Variants in FANCE observed in about 807,000 individuals in gnomAD.
FANCE encodes the protein Fanconi anemia group E protein.
Under a neutral mutation model 57.8 loss-of-function variants are expected in FANCE, and 42 were observed. The observed-to-expected ratio is 0.73, with a 90% CI of 0.57 to 0.94. The LOEUF is 0.94. FANCE is among the 40% of genes least tolerant of loss of function. The pLI is 0.00. For synonymous variants in FANCE, 251 were observed against 286.4 expected (o/e 0.88, Z 1.25); for missense variants, 608 against 661.8 (o/e 0.92, Z 0.89).
At chr6:35,461,374 CCTTA>C (rs1767581803) in intron 8 of FANCE, among the ~76,000 whole-genome samples, 1 of 152,140 alleles carries the variant, frequency 6.6e-6, no homozygotes, top group African/African-American at 2.4e-5. Flanking sequence ...AAAATATTCC[CCTTA>C]CTTCTCTTCC....
chr6:35,456,401 G>A lies in FANCE; in HGVS notation c.855+48G>A. On this transcript the variant is annotated intron_variant, in intron 2 of 9. Transcript: ENST00000229769. The surrounding 1 kb of genome is among the most constrained non-coding windows in gnomAD (Gnocchi z 4.3). The stretch of plus-strand genomic sequence containing the variant: ...TTTAGAGTGATCTTTCAGCAGTGGT[G>A]GCTTTATCCATGGGGAAGGCTGCTT... 1 of 1,613,648 alleles carries A rather than the reference G, an allele frequency of 6.2e-7. No individual in the cohort carries two copies. The highest frequency in any genetic ancestry group is 8.5e-7 in the Non-Finnish European group (1 of 1,179,650).
rs1442055811 is a variant in FANCE at position 35,462,889 on chromosome 6, C to T, written c.1484C>T (p.Thr495Ile). 3 of 1,614,242 alleles carry T rather than the reference C, an allele frequency of 1.9e-6. No homozygotes were observed. In the Admixed American group the frequency reaches 5.0e-5, roughly 27 times the overall value. ...TSMAYAKLML[T>I]VMTKYQANIT... is the part of the protein sequence containing the mutation. ...ATGGCCTATGCCAAGCTCATGCTGA[C>T]AGTGATGACCAAGTATCAGGCTAAC... is the stretch of plus-strand genomic sequence containing the variant. The change falls in exon 9 of 10, where the codon ACA becomes ATA. Residue 495 changes from threonine to isoleucine, a missense_variant. Thr to Ile is a moderately conservative substitution (Grantham distance 89). Coordinates refer to ENST00000229769, the MANE Select transcript of FANCE (RefSeq NM_021922.3).
chr6:35,466,537 GCT>G lies in FANCE; in HGVS notation c.*193_*194del. ...TCCCAGCCAGCAGGGAGGCTCCTGG[GCT>G]AAGGGAGCTCAGCTATATTTTCTTT... is the stretch of plus-strand genomic sequence containing the variant. On this transcript the variant is annotated 3_prime_UTR_variant, in exon 10 of 10. Transcript: ENST00000229769. 1.6e-6 allele frequency: 1 copy of G among 611,246 alleles called. No homozygotes were observed. Among genetic ancestry groups the G allele is most frequent in the South Asian group, 1.8e-5 (1 of 54,234 alleles). The allele number at this position is 611,246 out of a possible 1,614,324, so 37.9% of individuals were successfully genotyped here.
Position 35,457,480 on chromosome 6 carries a change from T to C in FANCE, c.856-76T>C, listed in dbSNP as rs1581701587. The C allele has an allele frequency of 1.6e-5, 25 of 1,541,444 alleles. No homozygotes were observed. The South Asian group carries it at 1.9e-4, about 12-fold the overall frequency. On this transcript the variant is annotated intron_variant, in intron 2 of 9. Coordinates refer to ENST00000229769, the MANE Select transcript of FANCE (RefSeq NM_021922.3). The stretch of plus-strand genomic sequence containing the variant: ...TCCCACTGACCTGGGGCCTTTTCAG[T>C]AGGGGGAGCCAGAACCGGGCTTGGG...
intron 8 of FANCE, 136 bp from the exon 9 acceptor site, chr6:35,462,653 G>A (rs1030864433): frequency 7.0e-6 from 7 of 993,002 alleles, no homozygotes; most frequent in African/African-American, 1.6e-5. Context: ...TGGAAATGGA[G>A]GTTTAGGTTG....
At chr6:35,453,803 A>G (rs918534512) in intron 1 of FANCE, among the ~76,000 whole-genome samples, 3 of 152,256 alleles carry the variant, frequency 2.0e-5, no homozygotes, top group Non-Finnish European at 4.4e-5. Flanking sequence ...ATGTTTGCCC[A>G]GCTATCTGGC....
At chr6:35,464,301 C>CT (rs1335610739) in intron 9 of FANCE, among the ~76,000 whole-genome samples, 5 of 130,460 alleles carry the variant, frequency 3.8e-5, no homozygotes, top group Non-Finnish European at 6.3e-5. Context: ...TGCAGTGGCG[C>CT]ATCTCGGCTC....
At position 35,459,754 on chromosome 6, in the gene FANCE, T is replaced by C. The variant is rs142903218; in HGVS notation, c.1310T>C (p.Met437Thr). 1.5e-3 allele frequency: 2,455 copies of C among 1,614,060 alleles called. 6 individuals carry two copies. Among genetic ancestry groups the C allele is most frequent in the Non-Finnish European group, 1.2e-3 (1,374 of 1,179,908 alleles). ...ESLEPDAQVL[M>T]LGQILELPWK... ...CTGGAGCCAGATGCACAGGTTCTAA[T>C]GCTGGGGTGAGTGTGCAGGCCTCCG... is the stretch of plus-strand genomic sequence containing the variant. Residue 437 changes from methionine (M) to threonine (T), a missense_variant, in exon 7 of 10, where the codon ATG becomes ACG. Transcript: ENST00000229769.
Position 35,460,508 on chromosome 6 carries a change from G to C in FANCE, c.1317-44G>C, listed in dbSNP as rs761090312. ...GAGCAGCAGATAGATACTCAGGCTTGGGTGGGAGGCCAGGCATTTTTCACT... is the reference window on the plus strand; with the variant it reads ...GAGCAGCAGATAGATACTCAGGCTTCGGTGGGAGGCCAGGCATTTTTCACT... On this transcript the variant is annotated intron_variant, in intron 7 of 9. Coordinates refer to ENST00000229769, the MANE Select transcript of FANCE (RefSeq NM_021922.3). The C allele has an allele frequency of 2.5e-6, 4 of 1,574,888 alleles. No homozygotes were observed. In the Admixed American group the frequency reaches 5.0e-5, roughly 20 times the overall value.
rs1767163673 is a variant in FANCE, at chr6:35,452,792, CTG to C, written c.248+1_248+2del. 7.6e-7 allele frequency: 1 copy of C among 1,314,088 alleles called. No individual in the cohort carries two copies. Among genetic ancestry groups the C allele is most frequent in the African/African-American group, 1.5e-5 (1 of 65,900 alleles). 81.4% of individuals were successfully genotyped at this position (1,314,088 alleles called of 1,614,324 possible). ...GCAGGGGCCTGACGGCCGTCTGGAG[CTG>C]TAAGTCCTCGCCCGCGGCCCCTTAG... On this transcript the variant is annotated splice_donor_variant and coding_sequence_variant, in exon 1 of 10. Transcript: ENST00000229769. LOFTEE classifies it high-confidence loss of function.
Position 35,455,897 on chromosome 6 carries a change from C to T in FANCE, c.399C>T (p.Leu133=), listed in dbSNP as rs1056749845. Residue 133 remains leucine (L), a synonymous_variant, in exon 2 of 10, where the codon CTC becomes CTT. Coordinates refer to ENST00000229769, the MANE Select transcript of FANCE (RefSeq NM_021922.3). ...QDLAPDPDAW[L]RALGELLRRD... ...TAGCCCCTGACCCAGATGCCTGGCT[C>T]CGTGCCCTGGGGGAATTGCTGCGAA... The T allele has an allele frequency of 1.9e-6, 3 of 1,614,038 alleles. No individual in the cohort carries two copies. The African/African-American group carries it at 4.0e-5, about 22-fold the overall frequency.
At chr6:35,459,182 C>T in intron 5 of FANCE, 149 bp from the exon 6 acceptor site, 1 of 956,896 alleles carries the variant, frequency 1.0e-6, no homozygotes, top group Non-Finnish European at 1.6e-6. Context: ...TGTATCTTTT[C>T]CAATGGGTGG....
chr6:35,463,910 C>T (rs761810259), intron 9 of FANCE, among the ~76,000 whole-genome samples: 23 of 152,086 alleles, frequency 1.5e-4, no homozygotes, highest in South Asian at 4.2e-4. Context: ...GTGATCAGCC[C>T]GCCTCGGCCT....
Position 35,466,271 on chromosome 6 carries a change from G to T in FANCE, c.1537G>T (p.Ala513Ser). 1 of 1,613,428 alleles carries T rather than the reference G, an allele frequency of 6.2e-7. No homozygotes were observed. The highest frequency in any genetic ancestry group is 8.5e-7 in the Non-Finnish European group (1 of 1,179,358). Residue 513 changes from alanine (A) to serine (S), a missense_variant, in exon 10 of 10, where the codon GCT (alanine) becomes TCT (serine). Coordinates refer to ENST00000229769, the MANE Select transcript of FANCE (RefSeq NM_021922.3). ...CACTGAGACCCAGAGGCTGGGCCTG[G>T]CTATGGCCCTAGAACCTAACACCAC... ...NITETQRLGL[A>S]MALEPNTTFL...
chr6:35,460,522 G>C (rs765024630), intron 7 of FANCE, 30 bp from the exon 8 acceptor site: 2 of 1,607,940 alleles, frequency 1.2e-6, no homozygotes, highest in Non-Finnish European at 1.7e-6. Context: ...GGGAGGCCAG[G>C]CATTTTTCAC....
At chr6:35,460,922 A>T (rs1334599549) in intron 8 of FANCE, among the ~76,000 whole-genome samples, 6 of 146,586 alleles carry the variant, frequency 4.1e-5, no homozygotes, top group East Asian at 4.0e-4. Flanking sequence ...ATGTTCACAA[A>T]TTTTTTTTTT....
chr6:35,461,900 G>T (rs1767605239), intron 8 of FANCE, among the ~76,000 whole-genome samples: 1 of 151,790 alleles, frequency 6.6e-6, no homozygotes, highest in South Asian at 2.1e-4. Context: ...ACCGGCCTCG[G>T]CCTTCCAAAG....
Position 35,458,341 on chromosome 6 carries a change from C to A in FANCE, c.1014C>A (p.Asp338Glu), listed in dbSNP as rs1398022610. Residue 338 changes from aspartate to glutamate, a missense_variant, in exon 5 of 10, where the codon GAC (aspartate) becomes GAA (glutamate). Physicochemically the swap from Asp to Glu is conservative, Grantham distance 45. Coordinates refer to ENST00000229769, the MANE Select transcript of FANCE (RefSeq NM_021922.3). ...CAQLQLPQLSDLGLLRLCTWL... is the reference protein window; with the variant it reads ...CAQLQLPQLSELGLLRLCTWL... ...AGCTGCAGCTCCCTCAGCTCTCAGA[C>A]CTCGGTCTCCTGCGGCTCTGCACCT... 1 of 1,614,182 alleles carries A rather than the reference C, an allele frequency of 6.2e-7. No individual in the cohort carries two copies. The highest frequency in any genetic ancestry group is 8.5e-7 in the Non-Finnish European group (1 of 1,180,036).
At position 35,455,819 on chromosome 6, in the gene FANCE, A is replaced by G. The variant is rs1256713327; in HGVS notation, c.321A>G (p.Pro107=). 7 of 1,614,186 alleles carry G rather than the reference A, an allele frequency of 4.3e-6. No homozygotes were observed. The highest frequency in any genetic ancestry group is 1.3e-5 in the African/African-American group (1 of 75,058). The part of the protein sequence containing the change: ...NLMSLLMAVR[P]SLPESGLLSV... ...TGTCCCTGCTGATGGCCGTTCGGCC[A>G]TCGCTGCCGGAAAGTGGGCTCCTCT... Residue 107 remains proline (P), a synonymous_variant, in exon 2 of 10, where the codon CCA becomes CCG. Transcript: ENST00000229769.
Sources: gnomAD v4.1 joint callset for allele counts (sites outside exome capture counted in the v4.1 genomes callset) on GRCh38, gnomAD v4.1.1 for gene constraint, Gnocchi (gnomAD v3.1) non-coding constraint, MANE v1.5 for transcripts, NCBI Gene and HGNC (gene_info 2026-07-23, HGNC 2026-07-21) for gene names.